DLGAP2: variants seen among roughly 807,000 people sequenced by gnomAD.
DLGAP2 encodes the protein DLG associated protein 2.
A neutral mutation model predicts 100.3 loss-of-function variants in DLGAP2; 26 were observed. That is an observed-to-expected ratio of 0.26 (90% CI 0.19 to 0.36). The LOEUF (loss-of-function observed/expected upper bound fraction) is 0.36, where lower values mean the gene tolerates loss of function less well. Ranked by LOEUF, DLGAP2 falls within the 10% of genes least tolerant of loss-of-function variation. DLGAP2 has a pLI of 1.00. For synonymous variants in DLGAP2, 886 were observed against 630.1 expected (o/e 1.41, Z -6.08); for missense variants, 1,858 against 1,453.2 (o/e 1.28, Z -4.53).
chr8:1,437,434 C>G (rs923222268), intron 3 of DLGAP2, among the ~76,000 whole-genome samples: 3 of 152,302 alleles, frequency 2.0e-5, no homozygotes, highest in East Asian at 1.9e-4. Context: ...ACGTAGAACC[C>G]CACTGGTTTG....
chr8:866,335 T>C (rs1105743), intron 1 of DLGAP2, among the ~76,000 whole-genome samples: 137,864 of 152,300 alleles, frequency 0.91, 62,853 homozygotes, highest in African/African-American at 0.97. Context: ...GCGTGGGGCA[T>C]GTGCTCTGTG....
intron 3 of DLGAP2, among the ~76,000 whole-genome samples, chr8:1,303,351 C>T (rs4324941): frequency 4.7e-5 from 7 of 149,016 alleles, no homozygotes; most frequent in African/African-American, 9.9e-5. Context: ...GAGCCGAGAT[C>T]GCGCCACCGC....
chr8:870,962 A>G (rs1042582462), intron 1 of DLGAP2, among the ~76,000 whole-genome samples: 2 of 152,194 alleles, frequency 1.3e-5, no homozygotes, highest in African/African-American at 4.8e-5. Flanking sequence ...TAACTGTGGT[A>G]GACGTATCTG....
chr8:831,610 T>C (rs1200301644), intron 1 of DLGAP2, among the ~76,000 whole-genome samples: 1 of 152,236 alleles, frequency 6.6e-6, no homozygotes, highest in African/African-American at 2.4e-5. Flanking sequence ...TAATCTAGTC[T>C]ATCATTGATG....
chr8:1,647,750 G>A (rs949557877), intron 8 of DLGAP2, among the ~76,000 whole-genome samples: 2 of 152,206 alleles, frequency 1.3e-5, no homozygotes, highest in Admixed American at 6.5e-5. Context: ...ATTGCATGCC[G>A]GCTGCTATAA....
intron 2 of DLGAP2, among the ~76,000 whole-genome samples, chr8:1,080,187 A>G (rs12549337): frequency 0.32 from 49,280 of 152,124 alleles, 8,059 homozygotes; most frequent in Middle Eastern, 0.37. Flanking sequence ...AACTACTTGC[A>G]TTTTTATTTT....
At chr8:919,271 C>T (rs991935100) in intron 2 of DLGAP2, among the ~76,000 whole-genome samples, 6 of 152,174 alleles carry the variant, frequency 3.9e-5, no homozygotes, top group East Asian at 3.8e-4. Context: ...GAAAAACAGC[C>T]GTCCTGTCCT....
At chr8:1,317,208 T>C (rs1800776454) in intron 3 of DLGAP2, among the ~76,000 whole-genome samples, 1 of 131,858 alleles carries the variant, frequency 7.6e-6, no homozygotes, top group South Asian at 2.5e-4. Context: ...CCAACAGTGG[T>C]CTACACTCGA....
chr8:1,426,940 T>A (rs923326210), intron 3 of DLGAP2, among the ~76,000 whole-genome samples: 1 of 152,062 alleles, frequency 6.6e-6, no homozygotes, highest in Non-Finnish European at 1.5e-5. Flanking sequence ...GAAACAGCAG[T>A]GAACAGAGAG....
intron 8 of DLGAP2, among the ~76,000 whole-genome samples, chr8:1,663,938 G>A (rs1320026580): frequency 6.6e-6 from 1 of 152,220 alleles, no homozygotes; most frequent in Admixed American, 6.5e-5. Context: ...TATCCCCAGA[G>A]CACTAATGTG....
intron 8 of DLGAP2, among the ~76,000 whole-genome samples, chr8:1,667,242 G>A (rs1487959829): frequency 6.6e-6 from 1 of 152,222 alleles, no homozygotes; most frequent in Non-Finnish European, 1.5e-5. Flanking sequence ...ATAAAAATAA[G>A]TTATAGCCTG....
At chr8:1,684,149 T>C (rs999909802) in intron 12 of DLGAP2, among the ~76,000 whole-genome samples, 1 of 148,244 alleles carries the variant, frequency 6.7e-6, no homozygotes, top group Non-Finnish European at 1.5e-5. Flanking sequence ...ACCCGGCTAA[T>C]TTTTAATCAG....
chr8:1,378,196 GCACACCTGACCTCACCTGTGTGTCCTGCA>G (rs1341382074), intron 3 of DLGAP2: 15 of 158,116 alleles, frequency 9.5e-5, no homozygotes, highest in Non-Finnish European at 2.0e-4. Context: ...TCCATCCTGT[GCACACCTGACCTCACCTGTGTGTCCTGCA>G]CACACCTGAC....
intron 2 of DLGAP2, among the ~76,000 whole-genome samples, chr8:1,244,343 A>G (rs1798861511): frequency 6.6e-6 from 1 of 152,240 alleles, no homozygotes; most frequent in Non-Finnish European, 1.5e-5. Flanking sequence ...AAAAGCATAC[A>G]CTATTGGCTG....
At chr8:1,590,702 C>G (rs187579545) in intron 6 of DLGAP2, among the ~76,000 whole-genome samples, 15 of 152,310 alleles carry the variant, frequency 9.8e-5, no homozygotes, top group Admixed American at 2.0e-4. Flanking sequence ...ATTGGTTGCT[C>G]AAAATCTTGT....
intron 1 of DLGAP2, chr8:739,830 T>G (rs4735817): frequency 0.99 from 150,099 of 152,336 alleles, 73,988 homozygotes; most frequent in Middle Eastern, 1. Flanking sequence ...TGGCAGCATG[T>G]GGAGCAGGCT....
chr8:1,549,490 A>G lies in DLGAP2; in HGVS notation c.1037A>G (p.Asn346Ser), dbSNP rs939602274. 9.9e-6 allele frequency: 16 copies of G among 1,613,416 alleles called. No homozygotes were observed. Among genetic ancestry groups the G allele is most frequent in the Non-Finnish European group, 1.3e-5 (15 of 1,179,836 alleles). The change falls in exon 5 of 15, where the codon AAC becomes AGC. Residue 346 changes from asparagine to serine, a missense_variant. By Grantham distance (46) the Asn-to-Ser change is conservative (BLOSUM62 1). Transcript: ENST00000637795. ...CTGTCCCTCAAGACCTCCAAGAGCA[A>G]CAACGACGTCAAGTGCTCGGCCTGT... is the stretch of plus-strand genomic sequence containing the variant. ...GDLSLKTSKS[N>S]NDVKCSACEG... is the part of the protein sequence containing the mutation.
chr8:1,672,228 A>AAT lies in DLGAP2; in HGVS notation c.2202+2444_2202+2445insAT, dbSNP rs1798707456. Among the ~76,000 whole-genome samples, 4 of 134,524 alleles carry AAT rather than the reference A, an allele frequency of 3.0e-5. No homozygotes were observed. The South Asian group carries it at 9.5e-4, about 32-fold the overall frequency. The allele number at this position is 134,524 out of a possible 152,430, so 88.3% of individuals were successfully genotyped here. On this transcript the variant is annotated intron_variant, in intron 10 of 14. Coordinates refer to ENST00000637795, the MANE Select transcript of DLGAP2 (RefSeq NM_001346810.2). ...TTTTTGTTGTTGTTTTTTATTTTTA[A>AAT]TTTTTTTTTTTTTTTTGAGATGGAG... is the stretch of plus-strand genomic sequence containing the variant.
intron 4 of DLGAP2, among the ~76,000 whole-genome samples, chr8:1,537,143 C>A (rs1177815720): frequency 6.6e-6 from 1 of 152,116 alleles, no homozygotes; most frequent in Non-Finnish European, 1.5e-5. Context: ...GCTCTGCAGC[C>A]TGGCTGTCAA....
Sources: allele counts gnomAD v4.1 joint callset (sites outside exome capture counted in the v4.1 genomes callset), GRCh38; gene constraint gnomAD v4.1.1; transcripts MANE v1.5; gene names NCBI Gene and HGNC (gene_info 2026-07-23, HGNC 2026-07-21).